Variants in SUCLG2 observed in about 807,000 individuals in gnomAD.
SUCLG2 encodes succinate-CoA ligase GDP-forming subunit beta.
SUCLG2 carries 42 observed loss-of-function variants against 47.9 expected under a neutral mutation model. The observed-to-expected ratio is 0.88, with a 90% CI of 0.69 to 1.14. The LOEUF (loss-of-function observed/expected upper bound fraction) is 1.14, where lower values mean the gene tolerates loss of function less well. Ranked by LOEUF, SUCLG2 falls within the 50% of genes most tolerant of loss-of-function variation. SUCLG2 has a pLI of 0.00. For missense variants in SUCLG2, 571 were observed against 525.9 expected (o/e 1.09, Z -0.84); for synonymous variants, 195 against 197.3 (o/e 0.99, Z 0.10).
At chr3:67,613,966 A>G (rs1318645446) in intron 1 of SUCLG2, among the ~76,000 whole-genome samples, 1 of 152,192 alleles carries the variant, frequency 6.6e-6, no homozygotes, top group Non-Finnish European at 1.5e-5. Context: ...GTAAGGTAAA[A>G]TGTAACTACT....
chr3:67,385,198 T>C (rs144681139), intron 10 of SUCLG2, among the ~76,000 whole-genome samples: 424 of 152,316 alleles, frequency 2.8e-3, no homozygotes, highest in African/African-American at 9.5e-3. Context: ...AGGCAGCACT[T>C]AGGATATGCG....
At chr3:67,388,585 T>C (rs539302061) in intron 10 of SUCLG2, among the ~76,000 whole-genome samples, 73 of 152,306 alleles carry the variant, frequency 4.8e-4, no homozygotes, top group African/African-American at 1.7e-3. Flanking sequence ...TTGGCACTGA[T>C]CATAGGTGAA....
chr3:67,403,750 T>C (rs765063529), intron 9 of SUCLG2, among the ~76,000 whole-genome samples: 3 of 152,188 alleles, frequency 2.0e-5, no homozygotes, highest in South Asian at 2.1e-4. Flanking sequence ...AAGGCAGATA[T>C]GTCACCCAAC....
chr3:67,426,529 A>T (rs1248191670), intron 9 of SUCLG2, among the ~76,000 whole-genome samples: 1 of 152,210 alleles, frequency 6.6e-6, no homozygotes, highest in African/African-American at 2.4e-5. Flanking sequence ...AAGACTGTAA[A>T]GAACATACTT....
At chr3:67,467,053 G>T (rs938520550) in intron 9 of SUCLG2, among the ~76,000 whole-genome samples, 9 of 152,172 alleles carry the variant, frequency 5.9e-5, no homozygotes, top group African/African-American at 1.9e-4. Flanking sequence ...ATTAAGAATT[G>T]AGAATCGGAA....
At chr3:67,447,474 G>C (rs55863531) in intron 9 of SUCLG2, among the ~76,000 whole-genome samples, 8,832 of 152,196 alleles carry the variant, frequency 0.058, 395 homozygotes, top group East Asian at 0.23. Context: ...ACTCTGATTT[G>C]ATTATGCCCA....
intron 2 of SUCLG2, among the ~76,000 whole-genome samples, chr3:67,578,198 T>C (rs984901335): frequency 1.4e-5 from 2 of 148,126 alleles, no homozygotes; most frequent in Admixed American, 1.4e-4. Context: ...CAGAGTAATA[T>C]GTATTATATA....
At chr3:67,427,136 G>A (rs1703322771) in intron 9 of SUCLG2, among the ~76,000 whole-genome samples, 1 of 152,162 alleles carries the variant, frequency 6.6e-6, no homozygotes, top group Non-Finnish European at 1.5e-5. Flanking sequence ...AATGGTTCCA[G>A]TCACCTAAAA....
intron 9 of SUCLG2, among the ~76,000 whole-genome samples, chr3:67,463,751 G>A (rs1397295953): frequency 6.6e-6 from 1 of 152,158 alleles, no homozygotes; most frequent in Non-Finnish European, 1.5e-5. Flanking sequence ...TATGGAAAAG[G>A]CCCTGGCTTT....
intron 1 of SUCLG2, among the ~76,000 whole-genome samples, chr3:67,623,177 A>G (rs1020010365): frequency 6.6e-6 from 1 of 152,174 alleles, no homozygotes; most frequent in Admixed American, 6.5e-5. Flanking sequence ...CTGTGTTCCA[A>G]GAATCATCTC....
chr3:67,524,425 C>T (rs935660465), intron 4 of SUCLG2, among the ~76,000 whole-genome samples: 6 of 152,212 alleles, frequency 3.9e-5, no homozygotes, highest in African/African-American at 1.4e-4. Flanking sequence ...ATTAAAAGTA[C>T]ATTCTCGAAT....
intron 10 of SUCLG2, among the ~76,000 whole-genome samples, chr3:67,366,164 A>T (rs1208210878): frequency 1.3e-5 from 2 of 152,218 alleles, no homozygotes; most frequent in Non-Finnish European, 1.5e-5. Flanking sequence ...TGGAAACACT[A>T]GAAAAGTGGA....
chr3:67,520,880 C>A (rs1249618999), intron 4 of SUCLG2, among the ~76,000 whole-genome samples: 1 of 152,102 alleles, frequency 6.6e-6, no homozygotes, highest in Non-Finnish European at 1.5e-5. Context: ...AGGAACCTTC[C>A]CACTTTAATC....
chr3:67,379,196 C>T (rs953932574), intron 10 of SUCLG2, among the ~76,000 whole-genome samples: 1 of 152,166 alleles, frequency 6.6e-6, no homozygotes, highest in Non-Finnish European at 1.5e-5. Context: ...ATCCACTTGC[C>T]TCGGCCTCCC....
At chr3:67,581,530 A>G (rs1002777654) in intron 2 of SUCLG2, among the ~76,000 whole-genome samples, 2 of 152,204 alleles carry the variant, frequency 1.3e-5, no homozygotes, top group Non-Finnish European at 2.9e-5. Context: ...CTTTAATTCA[A>G]TCAGTATTTA....
At chr3:67,596,967 G>A (rs1284705695) in intron 2 of SUCLG2, among the ~76,000 whole-genome samples, 2 of 152,190 alleles carry the variant, frequency 1.3e-5, no homozygotes, top group Non-Finnish European at 2.9e-5. Flanking sequence ...ATAACTGAAA[G>A]TAGAGCTCAT....
intron 2 of SUCLG2, among the ~76,000 whole-genome samples, chr3:67,588,286 C>A (rs564948710): frequency 6.6e-6 from 1 of 152,258 alleles, no homozygotes; most frequent in South Asian, 2.1e-4. Flanking sequence ...CCTTTGCTAT[C>A]AAAAAATTTT....
In SUCLG2 at chr3:67,553,831, T is replaced by G. The variant is rs142256479; in HGVS notation, c.227-24645A>C. The stretch of plus-strand genomic sequence containing the variant: ...ACTCAACTAAACATAGAAAGTAGAA[T>G]CAATATCTACTTTGTCAGTTACTTT... On this transcript the variant is annotated intron_variant, in intron 2 of 10. Coordinates refer to ENST00000307227, the MANE Select transcript of SUCLG2 (RefSeq NM_003848.4). 3.7e-4 allele frequency among the ~76,000 whole-genome samples: 56 copies of G among 152,298 alleles called. 1 individual carries two copies. The East Asian group carries it at 0.011, about 29-fold the overall frequency.
intron 1 of SUCLG2, among the ~76,000 whole-genome samples, chr3:67,642,949 T>A (rs909999444): frequency 1.7e-4 from 25 of 150,946 alleles, no homozygotes; most frequent in Admixed American, 5.9e-4. Context: ...TGTGTGTGTG[T>A]GTGAGAGAGA....
Sources: gnomAD v4.1 joint callset for allele counts (sites outside exome capture counted in the v4.1 genomes callset) on GRCh38, gnomAD v4.1.1 for gene constraint, MANE v1.5 for transcripts, NCBI Gene and HGNC (gene_info 2026-07-23, HGNC 2026-07-21) for gene names.